Variants in ATP13A4 observed in about 807,000 individuals in gnomAD.
ATP13A4 encodes the protein probable cation-transporting ATPase 13A4.
ATP13A4 carries 114 observed loss-of-function variants against 142.5 expected under a neutral mutation model. The observed-to-expected ratio is 0.80, with a 90% CI of 0.69 to 0.93. The LOEUF (loss-of-function observed/expected upper bound fraction) is 0.93. Among genes scored for constraint, ATP13A4 ranks in the 40% least tolerant of loss-of-function variants. The pLI is 0.00. For missense variants in ATP13A4, 1,392 were observed against 1,454.0 expected (o/e 0.96, Z 0.69); for synonymous variants, 488 against 514.8 (o/e 0.95, Z 0.70).
chr3:193,412,534 CA>C (rs1714824675), intron 26 of ATP13A4, among the ~76,000 whole-genome samples, 163 bp from the exon 27 acceptor site: 1 of 151,666 alleles, frequency 6.6e-6, no homozygotes, highest in Non-Finnish European at 1.5e-5. Context: ...CACACACACA[CA>C]CACACACACA....
intron 3 of ATP13A4, among the ~76,000 whole-genome samples, chr3:193,501,733 A>C (rs1390533005): frequency 6.6e-6 from 1 of 152,158 alleles, no homozygotes; most frequent in African/African-American, 2.4e-5. Flanking sequence ...TGTAAGACAA[A>C]ACATTCTGTC....
At position 193,414,573 on chromosome 3, in the gene ATP13A4, T is replaced by C. The variant is rs955241456; in HGVS notation, c.3014+6A>G. The C allele has an allele frequency of 2.5e-6, 4 of 1,613,200 alleles. No individual in the cohort carries two copies. In the African/African-American group the frequency reaches 5.3e-5, roughly 22 times the overall value. The stretch of plus-strand genomic sequence containing the variant: ...TGAGAAGCAGAAGCTGAGACTATAC[T>C]CATACCTGTGTATCTCCACGGAATA... On this transcript the variant is annotated splice_donor_region_variant and intron_variant, in intron 26 of 29. Coordinates refer to ENST00000342695, the MANE Select transcript of ATP13A4 (RefSeq NM_032279.4).
At chr3:193,557,020 T>C (rs1202036362), upstream of ATP13A4, among the ~76,000 whole-genome samples, 8 of 152,290 alleles carry the variant, frequency 5.3e-5, no homozygotes, top group East Asian at 9.7e-4. Flanking sequence ...GCAGTTTCCT[T>C]TTGGCTGGGT....
chr3:193,471,666 T>G (rs945560925), intron 8 of ATP13A4, among the ~76,000 whole-genome samples: 1 of 134,446 alleles, frequency 7.4e-6, no homozygotes, highest in Non-Finnish European at 1.6e-5. Flanking sequence ...TTGCTAGATA[T>G]TGTCACTTCA....
chr3:193,514,590 A>C, intron 2 of ATP13A4, 108 bp downstream of exon 2: 2 of 1,411,390 alleles, frequency 1.4e-6, no homozygotes, highest in Admixed American at 3.4e-5. Flanking sequence ...CAAAGACTGG[A>C]GCCTCCACCT....
At chr3:193,483,443 G>A (rs1219943874) in intron 8 of ATP13A4, among the ~76,000 whole-genome samples, 1 of 152,046 alleles carries the variant, frequency 6.6e-6, no homozygotes, top group African/African-American at 2.4e-5. Flanking sequence ...CCCCAATAAA[G>A]TAGTTTTTTT....
intron 18 of ATP13A4, among the ~76,000 whole-genome samples, chr3:193,444,743 T>A (rs779784579): frequency 6.6e-6 from 1 of 152,186 alleles, no homozygotes; most frequent in South Asian, 2.1e-4. Context: ...AGAGCAACCA[T>A]TAAAAATTAA....
intron 1 of ATP13A4, among the ~76,000 whole-genome samples, chr3:193,585,056 T>C (rs971475314): frequency 1.3e-5 from 2 of 152,188 alleles, no homozygotes; most frequent in Admixed American, 6.5e-5. Flanking sequence ...GCAGGCTGCA[T>C]GCGGCCCAGG....
chr3:193,443,220 G>A (rs1716756827), intron 18 of ATP13A4, among the ~76,000 whole-genome samples: 1 of 152,120 alleles, frequency 6.6e-6, no homozygotes, highest in Non-Finnish European at 1.5e-5. Flanking sequence ...GGCATGGGCG[G>A]AATCCTGGAA....
At position 193,553,500 on chromosome 3, in the gene ATP13A4, C is replaced by T. The variant is rs568655795; in HGVS notation, c.60+1240G>A. 23 of 152,168 alleles carry T rather than the reference C, an allele frequency of 1.5e-4. No individual in the cohort carries two copies. The South Asian group carries it at 2.5e-3, about 16-fold the overall frequency. The allele number at this position is 152,168 out of a possible 1,614,324, so 9.4% of individuals were successfully genotyped here. On this transcript the variant is annotated intron_variant, in intron 1 of 29. Coordinates refer to ENST00000342695, the MANE Select transcript of ATP13A4 (RefSeq NM_032279.4). ...GAAGATAAACTTTTCAACTTAATATCGAGAGTAATGAGATATTCACTTCCT... is the reference window on the plus strand; with the variant it reads ...GAAGATAAACTTTTCAACTTAATATTGAGAGTAATGAGATATTCACTTCCT...
At chr3:193,423,907 T>A (rs1715522875) in intron 25 of ATP13A4, among the ~76,000 whole-genome samples, 1 of 149,418 alleles carries the variant, frequency 6.7e-6, no homozygotes, top group Admixed American at 6.9e-5. Flanking sequence ...GGTGGTGGCA[T>A]GCTCTTATAC....
intron 25 of ATP13A4, among the ~76,000 whole-genome samples, chr3:193,432,271 G>A (rs1031854508): frequency 2.0e-5 from 3 of 152,102 alleles, no homozygotes; most frequent in African/African-American, 7.2e-5. Context: ...AAATGCTGGT[G>A]AGTATGTGAA....
chr3:193,553,396 G>A (rs1055693402), intron 1 of ATP13A4: 1 of 152,216 alleles, frequency 6.6e-6, no homozygotes, highest in African/African-American at 2.4e-5. Flanking sequence ...GGAAAAGAGT[G>A]AGTGTATTTC....
At chr3:193,496,937 A>C (rs139926532) in intron 3 of ATP13A4, among the ~76,000 whole-genome samples, 13 of 152,234 alleles carry the variant, frequency 8.5e-5, no homozygotes, top group Admixed American at 7.8e-4. Context: ...TGAAAGACTT[A>C]AATGGAAGAT....
intron 1 of ATP13A4, among the ~76,000 whole-genome samples, chr3:193,532,248 A>T (rs1308192719): frequency 6.6e-6 from 1 of 151,872 alleles, no homozygotes; most frequent in Non-Finnish European, 1.5e-5. Flanking sequence ...AGCTAATGTA[A>T]AAATTAAATG....
At chr3:193,434,525 TA>T (rs920224393) in intron 24 of ATP13A4, among the ~76,000 whole-genome samples, 3 of 152,348 alleles carry the variant, frequency 2.0e-5, no homozygotes, top group Non-Finnish European at 4.4e-5. Context: ...CTTTTGAGTA[TA>T]ATTTGGGAAT....
intron 1 of ATP13A4, among the ~76,000 whole-genome samples, chr3:193,529,164 G>A (rs1441690071): frequency 6.6e-6 from 1 of 152,016 alleles, no homozygotes; most frequent in African/African-American, 2.4e-5. Flanking sequence ...CAGCTACTCG[G>A]GAGGCTGAGG....
chr3:193,422,029 T>A (rs7637220), intron 25 of ATP13A4, among the ~76,000 whole-genome samples: 107,760 of 148,608 alleles, frequency 0.73, 40,646 homozygotes, highest in Non-Finnish European at 0.76. Context: ...ACAAGACTCA[T>A]CTACATAATG....
intron 3 of ATP13A4, among the ~76,000 whole-genome samples, chr3:193,497,950 C>G (rs1440863656): frequency 6.6e-6 from 1 of 152,048 alleles, no homozygotes; most frequent in Non-Finnish European, 1.5e-5. Context: ...GAAGATTGGT[C>G]AACAGTACAA....
Sources: allele counts gnomAD v4.1 joint callset (sites outside exome capture counted in the v4.1 genomes callset), GRCh38; gene constraint gnomAD v4.1.1; transcripts MANE v1.5; gene names NCBI Gene and HGNC (gene_info 2026-07-23, HGNC 2026-07-21).